The following STOX2 variants were observed in gnomAD, a reference collection of about 807,000 sequenced individuals.
STOX2 encodes storkhead box 2, also known as storkhead-box protein 2.
Under a neutral mutation model 60.9 loss-of-function variants are expected in STOX2, and 28 were observed. That is an observed-to-expected ratio of 0.46 (90% CI 0.34 to 0.63). The LOEUF (loss-of-function observed/expected upper bound fraction) is 0.63, where lower values mean the gene tolerates loss of function less well. STOX2 is among the 30% of genes least tolerant of loss of function. The pLI, the probability that STOX2 is intolerant of heterozygous loss-of-function variation, is 0.01. For missense variants in STOX2, 1,024 were observed against 1,187.7 expected (o/e 0.86, Z 2.03); for synonymous variants, 472 against 463.9 (o/e 1.02, Z -0.22).
rs781223206 is a variant in STOX2 at position 184,017,164 on chromosome 4, G to C, written c.2661G>C (p.Pro887=). 3.7e-5 allele frequency: 59 copies of C among 1,613,554 alleles called. No homozygotes were observed. Among genetic ancestry groups the C allele is most frequent in the Non-Finnish European group, 4.7e-5 (55 of 1,179,794 alleles). The change falls in exon 4 of 4, where the codon CCG becomes CCC. Residue 887 remains proline (P), a synonymous_variant. Transcript: ENST00000308497. Reference sequence around the variant, plus strand: ...GTCGTCAGAACCCCGCTTTGAGCCCGGCCCATGGTGGAGCTGGTCCAGCCT... The same window carrying C: ...GTCGTCAGAACCCCGCTTTGAGCCCCGCCCATGGTGGAGCTGGTCCAGCCT... ...SNRRQNPALS[P]AHGGAGPAFN... is the part of the protein sequence containing the mutation.
intron 1 of STOX2, among the ~76,000 whole-genome samples, chr4:183,855,433 A>G (rs1431716136): frequency 6.6e-6 from 1 of 152,182 alleles, no homozygotes; most frequent in Non-Finnish European, 1.5e-5. Flanking sequence ...TTGCTTCAAT[A>G]CACTAAATGG....
At chr4:183,880,578 A>G (rs1181103824) in intron 1 of STOX2, among the ~76,000 whole-genome samples, 1 of 152,342 alleles carries the variant, frequency 6.6e-6, no homozygotes, top group Non-Finnish European at 1.5e-5. Flanking sequence ...ATGTCCAGAA[A>G]AAGTATGTTT....
chr4:183,957,906 C>T (rs1743297567), intron 1 of STOX2, among the ~76,000 whole-genome samples: 1 of 150,602 alleles, frequency 6.6e-6, no homozygotes, highest in Admixed American at 6.6e-5. Flanking sequence ...GTGAATAAGG[C>T]ACCCTGGTTT....
Position 184,001,228 on chromosome 4 carries a change from T to TC in STOX2, c.167-96dup. 8.3e-7 allele frequency: 1 copy of TC among 1,202,744 alleles called. No individual in the cohort carries two copies. 74.5% of individuals were successfully genotyped at this position (1,202,744 alleles called of 1,614,324 possible). A position where few individuals can be genotyped will look rare whatever the true frequency, so the allele number is the denominator to read the frequency against. On this transcript the variant is annotated intron_variant, in intron 1 of 3. Transcript: ENST00000308497. The surrounding 1 kb of genome is among the most constrained non-coding windows in gnomAD (Gnocchi z 4.2). ...CTGCTATGTTCGGAGCTGACTGTGT[T>TC]CGTCAGACCAGGGCCAGATGGACGC...
intron 1 of STOX2, among the ~76,000 whole-genome samples, chr4:183,918,586 G>A (rs903581606): frequency 3.3e-5 from 5 of 152,360 alleles, no homozygotes; most frequent in South Asian, 2.1e-4. Flanking sequence ...GAAGCGAAGG[G>A]ACATCTTTCA....
At chr4:183,854,428 G>A (rs1192368085) in intron 1 of STOX2, among the ~76,000 whole-genome samples, 1 of 152,194 alleles carries the variant, frequency 6.6e-6, no homozygotes, top group Non-Finnish European at 1.5e-5. Context: ...TTTTGTGTGT[G>A]TCTGTGTGTT....
Position 183,906,947 on chromosome 4 carries a change from A to G in STOX2, c.157A>G (p.Met53Val). 1 of 1,545,242 alleles carries G rather than the reference A, an allele frequency of 6.5e-7. No homozygotes were observed. The highest frequency in any genetic ancestry group is 1.2e-5 in the South Asian group (1 of 83,556). The stretch of plus-strand genomic sequence containing the variant: ...CGCGCCCCAGGCTTCGCGGGGCTAC[A>G]TGACATCAGGTTGGTTGGTGACCGC... ...AFAPQASRGY[M>V]TSGDVSPISM... Residue 53 changes from methionine to valine, a missense_variant, in exon 1 of 4, where the codon ATG becomes GTG. By Grantham distance (21) the Met-to-Val change is conservative (BLOSUM62 1). Transcript: ENST00000308497.
intron 1 of STOX2, among the ~76,000 whole-genome samples, chr4:183,819,013 T>C (rs560585879): frequency 3.3e-5 from 5 of 151,228 alleles, no homozygotes; most frequent in African/African-American, 1.2e-4. Context: ...CCCTCCTCAC[T>C]TCCTAGATGG....
chr4:183,884,818 T>C (rs890411499), intron 1 of STOX2, among the ~76,000 whole-genome samples: 2 of 152,158 alleles, frequency 1.3e-5, no homozygotes, highest in Admixed American at 6.5e-5. Context: ...TTGTCTGCCT[T>C]AGAGAAACGT....
chr4:183,861,331 A>G (rs1156259656), intron 1 of STOX2, among the ~76,000 whole-genome samples: 1 of 152,004 alleles, frequency 6.6e-6, no homozygotes, highest in Non-Finnish European at 1.5e-5. Context: ...ACCCTGCTGC[A>G]GTGGGGCCCC....
chr4:183,858,387 A>G (rs920864126), intron 1 of STOX2, among the ~76,000 whole-genome samples: 6 of 151,904 alleles, frequency 3.9e-5, no homozygotes, highest in Middle Eastern at 3.4e-3. Context: ...TCAGCCACCC[A>G]CCCGGCAGCT....
intron 1 of STOX2, among the ~76,000 whole-genome samples, chr4:183,819,137 G>C (rs1312530941): frequency 1.3e-5 from 2 of 151,990 alleles, no homozygotes; most frequent in Admixed American, 6.5e-5. Flanking sequence ...ACTTCCCAGA[G>C]GGGGTGGCAG....
intron 1 of STOX2, among the ~76,000 whole-genome samples, chr4:183,813,977 A>G (rs60649459): frequency 0.029 from 4,442 of 152,276 alleles, 197 homozygotes; most frequent in African/African-American, 0.1. Flanking sequence ...TTCTGGGGCT[A>G]TCTCTAAGAT....
chr4:183,861,513 C>T (rs552099695), intron 1 of STOX2, among the ~76,000 whole-genome samples: 1 of 152,182 alleles, frequency 6.6e-6, no homozygotes, highest in African/African-American at 2.4e-5. Context: ...ACGTGAGAAG[C>T]GACTTTCAGG....
chr4:183,901,419 C>T (rs922750743), upstream of STOX2, among the ~76,000 whole-genome samples: 5 of 152,068 alleles, frequency 3.3e-5, no homozygotes, highest in South Asian at 2.1e-4. Flanking sequence ...CACTTCTTTT[C>T]GGGTATATCT....
intron 1 of STOX2, among the ~76,000 whole-genome samples, chr4:183,938,889 G>C (rs926592586): frequency 6.6e-6 from 1 of 152,152 alleles, no homozygotes; most frequent in Middle Eastern, 3.4e-3. Context: ...CTCTGATTAA[G>C]AATGCTCATC....
chr4:183,912,357 A>AC (rs1741804792), intron 1 of STOX2, among the ~76,000 whole-genome samples: 1 of 151,810 alleles, frequency 6.6e-6, no homozygotes, highest in Admixed American at 6.6e-5. Flanking sequence ...TCACAGTATA[A>AC]CCTCCCTCAC....
At position 183,807,144 on chromosome 4, in the gene STOX2, T is replaced by A. The variant is rs1325013634; in HGVS notation, c.364+9089T>A. Among the ~76,000 whole-genome samples the A allele has an allele frequency of 2.6e-5, 4 of 152,128 alleles. No individual in the cohort carries two copies. In the East Asian group the frequency reaches 5.8e-4, roughly 22 times the overall value. On this transcript the variant is annotated intron_variant, in intron 1 of 2. Coordinates refer to the STOX2 transcript ENST00000513034. ...ACCACCACCACGCCCAGCTAATTTT[T>A]AGTATTTTTAGTAGAGACGGGGTTT... is the stretch of plus-strand genomic sequence containing the variant.
intron 1 of STOX2, among the ~76,000 whole-genome samples, chr4:183,929,101 AG>A (rs1346251300): frequency 3.9e-5 from 6 of 152,256 alleles, no homozygotes; most frequent in African/African-American, 1.2e-4. Context: ...GATACAAGGC[AG>A]TAACTTAAAA....
Sources: gnomAD v4.1 joint callset for allele counts (sites outside exome capture counted in the v4.1 genomes callset) on GRCh38, gnomAD v4.1.1 for gene constraint, Gnocchi (gnomAD v3.1) non-coding constraint, MANE v1.5 for transcripts, NCBI Gene and HGNC (gene_info 2026-07-23, HGNC 2026-07-21) for gene names.